SYTL2: variants seen among roughly 807,000 people sequenced by gnomAD.
SYTL2 encodes synaptotagmin like 2.
In SYTL2, 165 loss-of-function variants were observed where a neutral mutation model predicts 198.7. The ratio of observed to expected loss-of-function variants is 0.83; its 90% confidence interval spans 0.73 to 0.94. The LOEUF (loss-of-function observed/expected upper bound fraction) is 0.94, where lower values mean the gene tolerates loss of function less well. Ranked by LOEUF, SYTL2 falls within the 40% of genes least tolerant of loss-of-function variation. The probability of loss-of-function intolerance (pLI) is 0.00; values close to 1 mark genes in which losing one functional copy is unlikely to be tolerated. For synonymous variants in SYTL2, 966 were observed against 917.7 expected (o/e 1.05, Z -0.95); for missense variants, 2,835 against 2,582.8 (o/e 1.10, Z -2.12).
rs1414890948 is a variant in SYTL2, at chr11:85,724,635, T to A, written c.4723A>T (p.Ile1575Leu). Residue 1575 changes from isoleucine (I) to leucine (L), a missense_variant, in exon 8 of 20, where the codon ATA becomes TTA. Around this residue, in one of 3 missense-constraint regions of SYTL2, gnomAD observed 2,645 missense variants for 2,381.7 expected, o/e 1.11. Transcript: ENST00000359152. Reference protein sequence around the residue: ...DAGFEKLLKEITEAPPYQPQV... With the variant: ...DAGFEKLLKELTEAPPYQPQV... ...GGCTGATAAGGAGGAGCTTCAGTTA[T>A]TTCTTTAAGAAGTTTCTCAAAACCA... 3.7e-6 allele frequency: 6 copies of A among 1,613,250 alleles called. No individual in the cohort carries two copies. Among genetic ancestry groups the A allele is most frequent in the Non-Finnish European group, 4.2e-6 (5 of 1,179,826 alleles).
At chr11:85,737,877 T>G (rs1337352538) in intron 4 of SYTL2, among the ~76,000 whole-genome samples, 1 of 152,106 alleles carries the variant, frequency 6.6e-6, no homozygotes, top group Admixed American at 6.5e-5. Flanking sequence ...GCAGGCTCCC[T>G]CCAGAACCAC....
At chr11:85,851,850 C>T in the SYTL2 span, among the ~76,000 whole-genome samples, 1 of 152,186 alleles carries the variant, frequency 6.6e-6, no homozygotes, top group African/African-American at 2.4e-5. Context: ...GCTTTTTCTC[C>T]TGAATTTGCA....
Position 85,711,098 on chromosome 11 carries a change from C to T in SYTL2, c.5745+15G>A. The T allele has an allele frequency of 6.2e-7, 1 of 1,613,134 alleles. No homozygotes were observed. The highest frequency in any genetic ancestry group is 1.7e-4 in the Middle Eastern group (1 of 6,044). ...GACGCGGAGAGATATTAATATGGAG[C>T]CTTTGTTTACATACAGAAGACAAGG... On this transcript the variant is annotated intron_variant, in intron 13 of 19. Transcript: ENST00000359152.
upstream of SYTL2, among the ~76,000 whole-genome samples, chr11:85,811,486 A>T (rs1202054436): frequency 4.6e-5 from 7 of 152,032 alleles, no homozygotes; most frequent in African/African-American, 9.7e-5. Flanking sequence ...GGAGCCCGAG[A>T]GTGTGGAGCA....
chr11:85,843,173 A>G, the SYTL2 span, among the ~76,000 whole-genome samples: 1 of 152,146 alleles, frequency 6.6e-6, no homozygotes. Context: ...CTGGAGTTCA[A>G]GACCAGCCTG....
At chr11:85,833,066 A>G in the SYTL2 span, among the ~76,000 whole-genome samples, 91 of 42,970 alleles carry the variant, frequency 2.1e-3, 1 homozygote, top group South Asian at 3.0e-3. Flanking sequence ...AAAGAAAGAA[A>G]GAAAGAAAGA....
intron 1 of SYTL2, among the ~76,000 whole-genome samples, chr11:85,778,384 G>T (rs763950848): frequency 3.9e-5 from 6 of 152,172 alleles, no homozygotes; most frequent in South Asian, 4.1e-4. Flanking sequence ...GTTTGGACTC[G>T]AAGCTGAAAG....
At chr11:85,769,832 G>C (rs957148407) in intron 1 of SYTL2, among the ~76,000 whole-genome samples, 9 of 152,188 alleles carry the variant, frequency 5.9e-5, no homozygotes, top group Non-Finnish European at 1.0e-4. Context: ...CAGCAGGCTG[G>C]ACAGAATAAC....
chr11:85,830,011 C>G, the SYTL2 span, among the ~76,000 whole-genome samples: 4 of 152,140 alleles, frequency 2.6e-5, no homozygotes, highest in Admixed American at 2.6e-4. Flanking sequence ...CAACTAAGAC[C>G]AGAAACCAAA....
At position 85,726,417 on chromosome 11, in the gene SYTL2, G is replaced by A; in HGVS notation, c.2941C>T (p.Gln981Ter). The A allele has an allele frequency of 6.2e-7, 1 of 1,613,234 alleles. No individual in the cohort carries two copies. The highest frequency in any genetic ancestry group is 8.5e-7 in the Non-Finnish European group (1 of 1,179,754). The part of the protein sequence containing the change: ...PNAEQVYNPS[Q>*]FENLRKFWDL... ...CAAAACTTTCTCAAATTCTCAAACT[G>A]AGAGGGATTATAGACCTGTTCTGCA... Residue 981 changes from glutamine (Q) to a stop codon, truncating the protein, a stop_gained, in exon 8 of 20, where the codon CAG becomes TAG. Coordinates refer to ENST00000359152, the MANE Select transcript of SYTL2 (RefSeq NM_206927.4). LOFTEE classifies it high-confidence loss of function.
chr11:85,697,825 T>C (rs1326197136), intron 18 of SYTL2, among the ~76,000 whole-genome samples, 154 bp downstream of exon 18: 2 of 152,238 alleles, frequency 1.3e-5, no homozygotes, highest in Admixed American at 6.5e-5. Flanking sequence ...TGAGAGTTCA[T>C]GATATAGATT....
intron 1 of SYTL2, among the ~76,000 whole-genome samples, chr11:85,804,762 T>C (rs1196167184): frequency 6.6e-6 from 1 of 152,166 alleles, no homozygotes; most frequent in African/African-American, 2.4e-5. Flanking sequence ...TTAAAATAAC[T>C]GAATAAAATG....
At chr11:85,824,165 G>C in the SYTL2 span, among the ~76,000 whole-genome samples, 1 of 152,152 alleles carries the variant, frequency 6.6e-6, no homozygotes, top group African/African-American at 2.4e-5. Flanking sequence ...TCCTCCAGCA[G>C]GCTGCTGAGT....
At chr11:85,719,130 A>G (rs1490085839) in intron 9 of SYTL2, 1 of 1,444,774 alleles carries the variant, frequency 6.9e-7, no homozygotes, top group Non-Finnish European at 9.2e-7. Context: ...CAGCAGCAGG[A>G]GAAAGCACGG....
chr11:85,770,436 C>T (rs1208984545), intron 1 of SYTL2, among the ~76,000 whole-genome samples: 2 of 152,166 alleles, frequency 1.3e-5, no homozygotes, highest in African/African-American at 4.8e-5. Context: ...AGACTCATAT[C>T]CAAAGCACCA....
At chr11:85,826,922 A>G in the SYTL2 span, among the ~76,000 whole-genome samples, 1 of 152,236 alleles carries the variant, frequency 6.6e-6, no homozygotes, top group Non-Finnish European at 1.5e-5. Context: ...TGTGAAAAAC[A>G]GGCTAGCAAG....
At chr11:85,851,345 T>C in the SYTL2 span, among the ~76,000 whole-genome samples, 1 of 152,264 alleles carries the variant, frequency 6.6e-6, no homozygotes, top group East Asian at 1.9e-4. Flanking sequence ...ACCAAAAGTT[T>C]GAACTGGTTC....
chr11:85,709,207 A>G, intron 14 of SYTL2, 124 bp downstream of exon 14: 1 of 910,616 alleles, frequency 1.1e-6, no homozygotes, highest in Non-Finnish European at 1.7e-6. Flanking sequence ...TTTCCCCCCA[A>G]CTTTTCAAAC....
the SYTL2 span, among the ~76,000 whole-genome samples, chr11:85,850,489 C>T: frequency 1.3e-5 from 2 of 151,652 alleles, no homozygotes; most frequent in Non-Finnish European, 2.9e-5. Context: ...CCATCTCACA[C>T]CAGTTAGAAT....
Sources: allele counts gnomAD v4.1 joint callset (sites outside exome capture counted in the v4.1 genomes callset), GRCh38; gene constraint gnomAD v4.1.1; regional missense constraint gnomAD v4.1.1; transcripts MANE v1.5; gene names NCBI Gene and HGNC (gene_info 2026-07-23, HGNC 2026-07-21).